Variants in SCN10A observed in about 807,000 individuals in gnomAD.
The protein encoded by SCN10A is sodium channel protein type 10 subunit alpha.
SCN10A carries 162 observed loss-of-function variants against 170.7 expected under a neutral mutation model. The observed-to-expected ratio is 0.95, with a 90% CI of 0.84 to 1.08. The LOEUF is 1.08. Ranked by LOEUF, SCN10A falls within the 50% of genes least tolerant of loss-of-function variation. SCN10A has a pLI of 0.00. For synonymous variants in SCN10A, 985 were observed against 904.6 expected (o/e 1.09, Z -1.59); for missense variants, 2,527 against 2,436.9 (o/e 1.04, Z -0.78).
At chr3:38,741,876 T>A (rs1014149031) in intron 14 of SCN10A, among the ~76,000 whole-genome samples, 2 of 152,158 alleles carry the variant, frequency 1.3e-5, no homozygotes, top group Non-Finnish European at 2.9e-5. Flanking sequence ...TTAATTGTGG[T>A]CATAAAAGTA....
intron 3 of SCN10A, among the ~76,000 whole-genome samples, chr3:38,790,381 C>T (rs2064265605): frequency 6.6e-6 from 1 of 152,014 alleles, no homozygotes; most frequent in South Asian, 2.1e-4. Context: ...AACAGCTTTT[C>T]TGTCCAGCTG....
intron 5 of SCN10A, among the ~76,000 whole-genome samples, chr3:38,765,350 A>C (rs1269592272): frequency 1.3e-5 from 2 of 152,160 alleles, no homozygotes; most frequent in Non-Finnish European, 2.9e-5. Flanking sequence ...TTCAGGTCTT[A>C]GATTTAAGCC....
intron 5 of SCN10A, among the ~76,000 whole-genome samples, chr3:38,764,754 T>C (rs921076237): frequency 2.0e-5 from 3 of 152,216 alleles, no homozygotes; most frequent in African/African-American, 7.2e-5. Flanking sequence ...CTGGACCAAA[T>C]GGTAGTTCTA....
chr3:38,740,638 A>G (rs1426161945), intron 14 of SCN10A, among the ~76,000 whole-genome samples: 5 of 152,136 alleles, frequency 3.3e-5, no homozygotes, highest in African/African-American at 1.2e-4. Context: ...CAGCTATACA[A>G]TTTTGGGCAG....
At chr3:38,770,923 G>C (rs561179339) in intron 5 of SCN10A, among the ~76,000 whole-genome samples, 2 of 152,154 alleles carry the variant, frequency 1.3e-5, no homozygotes, top group South Asian at 4.2e-4. Flanking sequence ...ATTTTGTGTG[G>C]CTTCCTAAAT....
chr3:38,725,166 A>G lies in SCN10A; in HGVS notation c.3228+8T>C. On this transcript the variant is annotated splice_region_variant and intron_variant, in intron 18 of 27. Coordinates refer to ENST00000449082, the MANE Select transcript of SCN10A (RefSeq NM_006514.4). The stretch of plus-strand genomic sequence containing the variant: ...TGTCCAACCTCTCCAGGAAGCTGAC[A>G]TACCTACCTCAGCAGGGACCTGAGG... 6.3e-7 allele frequency: 1 copy of G among 1,578,924 alleles called. No individual in the cohort carries two copies. Among genetic ancestry groups the G allele is most frequent in the Non-Finnish European group, 8.7e-7 (1 of 1,154,186 alleles).
rs753205934 is a variant in SCN10A, at chr3:38,752,330, G to C, written c.1644C>G (p.Pro548=). 1.2e-6 allele frequency: 2 copies of C among 1,613,054 alleles called. No individual in the cohort carries two copies. Among genetic ancestry groups the C allele is most frequent in the Non-Finnish European group, 1.7e-6 (2 of 1,179,576 alleles). ...GTTGAGGAAGAGGGCTTCTAGGGAG[G>C]GGGCCTTGCTGGCCAGCACCCCCAC... ...LLGGGAGQQG[P]LPRSPLPQPS... is the part of the protein sequence containing the mutation. Residue 548 remains proline, a synonymous_variant, in exon 12 of 28, where the codon CCC becomes CCG. Transcript: ENST00000449082.
chr3:38,770,616 T>C (rs910683998), intron 5 of SCN10A, among the ~76,000 whole-genome samples: 1 of 152,150 alleles, frequency 6.6e-6, no homozygotes, highest in African/African-American at 2.4e-5. Flanking sequence ...ACTCAGACCT[T>C]GCCCCAGGCT....
rs2063280877 is a variant in SCN10A at position 38,712,153 on chromosome 3, T to C, written c.4089+8A>G. On this transcript the variant is annotated splice_region_variant and intron_variant, in intron 23 of 27. Coordinates refer to ENST00000449082, the MANE Select transcript of SCN10A (RefSeq NM_006514.4). ...CAAGAGATATGGTTGATCTCATGGTTGACTCACCACCTGCAGAAGTGCAAG... is the reference window on the plus strand; with the variant it reads ...CAAGAGATATGGTTGATCTCATGGTCGACTCACCACCTGCAGAAGTGCAAG... 6.2e-7 allele frequency: 1 copy of C among 1,613,192 alleles called. No individual in the cohort carries two copies. The highest frequency in any genetic ancestry group is 1.3e-5 in the African/African-American group (1 of 74,914).
rs114088444 is a variant in SCN10A, at chr3:38,745,599, C to G, written c.1868-3070G>C. 2.2e-3 allele frequency among the ~76,000 whole-genome samples: 329 copies of G among 152,176 alleles called. 4 individuals are homozygous for G. Among genetic ancestry groups the G allele is most frequent in the African/African-American group, 7.7e-3 (321 of 41,518 alleles). ...CTTCTTGAAAAAATTGTCTGTACAC[C>G]ATATCTCCATTTCTTCACCTCTCAC... On this transcript the variant is annotated intron_variant, in intron 13 of 27. Transcript: ENST00000449082.
chr3:38,789,244 G>A (rs553188541), intron 3 of SCN10A, among the ~76,000 whole-genome samples: 10 of 152,254 alleles, frequency 6.6e-5, no homozygotes, highest in African/African-American at 2.4e-4. Flanking sequence ...TGATCTACAG[G>A]TGGGTATAAA....
intron 20 of SCN10A, among the ~76,000 whole-genome samples, chr3:38,720,768 A>G (rs2063381695): frequency 6.6e-6 from 1 of 152,178 alleles, no homozygotes; most frequent in African/African-American, 2.4e-5. Flanking sequence ...CAGAGAAGCA[A>G]AATGAGGAGA....
chr3:38,761,981 A>G (rs961375641), intron 6 of SCN10A, among the ~76,000 whole-genome samples: 1 of 152,208 alleles, frequency 6.6e-6, no homozygotes, highest in African/African-American at 2.4e-5. Flanking sequence ...GAAAGAGACT[A>G]TAAGAAACAC....
intron 27 of SCN10A, 37 bp from the exon 28 acceptor site, chr3:38,698,599 C>G: frequency 6.3e-7 from 1 of 1,583,160 alleles, no homozygotes; most frequent in African/African-American, 1.3e-5. Flanking sequence ...ATTAGTATCT[C>G]CAGCCATGAG....
chr3:38,738,449 C>T (rs2063594034), intron 15 of SCN10A, among the ~76,000 whole-genome samples: 1 of 152,158 alleles, frequency 6.6e-6, no homozygotes, highest in Non-Finnish European at 1.5e-5. Flanking sequence ...TCAGCACTGT[C>T]TCACTGGCCC....
chr3:38,761,109 C>A, intron 7 of SCN10A, 83 bp downstream of exon 7: 2 of 1,120,864 alleles, frequency 1.8e-6, no homozygotes, highest in Non-Finnish European at 2.6e-6. Flanking sequence ...TATACACACA[C>A]ACAGGGGCTC....
Position 38,701,895 on chromosome 3 carries a change from T to C in SCN10A, c.4601A>G (p.Tyr1534Cys). The C allele has an allele frequency of 5.0e-6, 8 of 1,614,016 alleles. No homozygotes were observed. Among genetic ancestry groups the C allele is most frequent in the South Asian group, 1.1e-5 (1 of 91,042 alleles). Residue 1534 changes from tyrosine (Y) to cysteine (C), a missense_variant, in exon 27 of 28, where the codon TAC becomes TGC. Physicochemically the swap from Tyr to Cys is radical, Grantham distance 194 (BLOSUM62 -2). Transcript: ENST00000449082. ...AAACACATTCCAGCCATTTGTGAAG[T>C]AGTACTGCCTCAAAGCGAACATCTT... ...VMKMFALRQY[Y>C]FTNGWNVFDF... is the part of the protein sequence containing the mutation.
intron 1 of SCN10A, among the ~76,000 whole-genome samples, chr3:38,795,711 T>C (rs957805067): frequency 6.6e-6 from 1 of 152,130 alleles, no homozygotes; most frequent in Non-Finnish European, 1.5e-5. Flanking sequence ...CCATACATGA[T>C]TGTGAATAAT....
chr3:38,699,206 T>C (rs1011864543), intron 27 of SCN10A, among the ~76,000 whole-genome samples: 3 of 151,848 alleles, frequency 2.0e-5, no homozygotes, highest in African/African-American at 7.3e-5. Flanking sequence ...TTGTTTTTTT[T>C]TTTTTTTTTT....
Sources: allele counts gnomAD v4.1 joint callset (sites outside exome capture counted in the v4.1 genomes callset), GRCh38; gene constraint gnomAD v4.1.1; transcripts MANE v1.5; gene names NCBI Gene and HGNC (gene_info 2026-07-23, HGNC 2026-07-21).